Variants in SLC26A7 observed in about 807,000 individuals in gnomAD.
SLC26A7 encodes the protein anion exchange transporter.
A neutral mutation model predicts 82.5 loss-of-function variants in SLC26A7; 59 were observed. The observed-to-expected ratio is 0.72, with a 90% CI of 0.58 to 0.89. The LOEUF is 0.89. SLC26A7 is among the 40% of genes least tolerant of loss of function. SLC26A7 has a pLI of 0.00. For missense variants in SLC26A7, 820 were observed against 793.0 expected, an observed-to-expected ratio of 1.03 and a Z score of -0.41; for synonymous variants, 271 against 274.3, an observed-to-expected ratio of 0.99 and a Z score of 0.12.
chr8:91,301,154 G>A (rs13263714), intron 4 of SLC26A7, among the ~76,000 whole-genome samples: 8,307 of 152,066 alleles, frequency 0.055, 269 homozygotes, highest in African/African-American at 0.068. Flanking sequence ...TTCTTCTTTA[G>A]TATTTTGCAT....
intron 15 of SLC26A7, among the ~76,000 whole-genome samples, chr8:91,383,559 C>A (rs896202720): frequency 1.3e-5 from 2 of 152,134 alleles, no homozygotes; most frequent in African/African-American, 4.8e-5. Context: ...ATAGAATAAT[C>A]AAAATATATG....
intron 1 of SLC26A7, among the ~76,000 whole-genome samples, chr8:91,210,333 C>T (rs192376767): frequency 4.9e-4 from 75 of 152,210 alleles, no homozygotes; most frequent in Admixed American, 3.2e-3. Context: ...CTAGAACATG[C>T]ACAATTTCAT....
intron 8 of SLC26A7, among the ~76,000 whole-genome samples, chr8:91,341,229 T>C (rs924770839): frequency 6.6e-6 from 1 of 151,394 alleles, no homozygotes; most frequent in African/African-American, 2.4e-5. Flanking sequence ...TGAGTGAGAA[T>C]ATGCGGTGTT....
intron 1 of SLC26A7, among the ~76,000 whole-genome samples, chr8:91,217,167 T>C (rs1340740875): frequency 6.6e-6 from 1 of 152,148 alleles, no homozygotes; most frequent in African/African-American, 2.4e-5. Context: ...AGGCAGGGAT[T>C]GTTTGCTGTA....
intron 2 of SLC26A7, among the ~76,000 whole-genome samples, chr8:91,258,825 G>A (rs539659633): frequency 6.6e-6 from 1 of 152,198 alleles, no homozygotes; most frequent in East Asian, 1.9e-4. Flanking sequence ...TACCCTGCTA[G>A]TTAGGATGTC....
intron 4 of SLC26A7, among the ~76,000 whole-genome samples, chr8:91,309,834 G>T (rs1359981929): frequency 6.6e-6 from 1 of 151,992 alleles, no homozygotes; most frequent in African/African-American, 2.4e-5. Flanking sequence ...CTGCATGTAC[G>T]GTGGCTTGCT....
rs1808583310 is a variant in SLC26A7 at position 91,396,739 on chromosome 8, G to A, written c.*1642G>A. On this transcript the variant is annotated 3_prime_UTR_variant, in exon 19 of 19. Coordinates refer to ENST00000276609, the MANE Select transcript of SLC26A7 (RefSeq NM_052832.4). ...CCATCAAACACTCTTCCAAGGAAAA[G>A]CAGAAGTAATAATTGGAGGTAAAGT... is the stretch of plus-strand genomic sequence containing the variant. The A allele has an allele frequency of 6.6e-6, 1 of 151,984 alleles. No individual in the cohort carries two copies. The highest frequency in any genetic ancestry group is 2.4e-5 in the African/African-American group (1 of 41,404). 9.4% of individuals were successfully genotyped at this position (151,984 alleles called of 1,614,324 possible). A position where few individuals can be genotyped will look rare whatever the true frequency, so the allele number is the denominator to read the frequency against.
chr8:91,349,085 G>C (rs1813644486), intron 9 of SLC26A7, among the ~76,000 whole-genome samples: 1 of 152,118 alleles, frequency 6.6e-6, no homozygotes, highest in African/African-American at 2.4e-5. Flanking sequence ...AGTATTTTGA[G>C]AGCTTTGAGG....
chr8:91,219,527 C>T (rs1385900512), intron 2 of SLC26A7, among the ~76,000 whole-genome samples: 5 of 151,518 alleles, frequency 3.3e-5, no homozygotes, highest in African/African-American at 7.3e-5. Flanking sequence ...TTTTTTTTCT[C>T]GTTTTAAAAA....
chr8:91,299,909 A>G (rs1226064759), intron 4 of SLC26A7, among the ~76,000 whole-genome samples: 4 of 152,232 alleles, frequency 2.6e-5, no homozygotes, highest in Admixed American at 2.6e-4. Flanking sequence ...AATTAAAGAG[A>G]TAGACATACT....
chr8:91,355,492 A>G (rs1368722733), intron 11 of SLC26A7, among the ~76,000 whole-genome samples: 2 of 152,052 alleles, frequency 1.3e-5, no homozygotes, highest in Non-Finnish European at 2.9e-5. Context: ...GACTAGACAC[A>G]TATCTCTGAT....
chr8:91,219,026 C>T (rs1025752371), intron 2 of SLC26A7: 9 of 1,308,828 alleles, frequency 6.9e-6, no homozygotes, highest in Non-Finnish European at 9.7e-6. Context: ...CATTCATAGC[C>T]TCACTCCACT....
intron 2 of SLC26A7, among the ~76,000 whole-genome samples, chr8:91,235,752 C>A (rs1810385701): frequency 6.6e-6 from 1 of 152,168 alleles, no homozygotes; most frequent in South Asian, 2.1e-4. Context: ...AACTCTTGAG[C>A]CATATCTGAG....
chr8:91,248,734 T>C (rs1211866583), upstream of SLC26A7, among the ~76,000 whole-genome samples: 3 of 152,148 alleles, frequency 2.0e-5, no homozygotes, highest in Non-Finnish European at 4.4e-5. Flanking sequence ...GTTTGAACCA[T>C]ATAACATTCC....
intron 11 of SLC26A7, among the ~76,000 whole-genome samples, chr8:91,361,376 T>G (rs2130868715): frequency 6.6e-6 from 1 of 152,272 alleles, no homozygotes; most frequent in East Asian, 1.9e-4. Flanking sequence ...CATTTCTAAC[T>G]TTGTCATTTG....
At chr8:91,384,699 A>T (rs1020517280) in intron 15 of SLC26A7, among the ~76,000 whole-genome samples, 1 of 151,888 alleles carries the variant, frequency 6.6e-6, no homozygotes, top group Non-Finnish European at 1.5e-5. Context: ...TCATCATTGT[A>T]CTTAGATTTT....
rs141931769 is a variant in SLC26A7, at chr8:91,366,652, A to G, written c.1561A>G (p.Thr521Ala). 1.3e-3 allele frequency: 2,104 copies of G among 1,613,718 alleles called. 6 individuals carry two copies. Among genetic ancestry groups the G allele is most frequent in the Admixed American group, 2.1e-3 (126 of 59,936 alleles). Reference protein sequence around the residue: ...LVFLNAKKFYTDLMNMIQKEN... With the variant: ...LVFLNAKKFYADLMNMIQKEN... ...TTTCCTGAATGCAAAAAAATTTTAT[A>G]CTGATTTAATGAACATGATCCAAAA... is the stretch of plus-strand genomic sequence containing the variant. The change falls in exon 14 of 19, where the codon ACT (threonine) becomes GCT (alanine). Residue 521 changes from threonine to alanine, a missense_variant. By Grantham distance (58) the Thr-to-Ala change is moderately conservative. Transcript: ENST00000276609.
intron 2 of SLC26A7, among the ~76,000 whole-genome samples, chr8:91,285,882 A>C (rs988812966): frequency 6.6e-6 from 1 of 152,188 alleles, no homozygotes. Flanking sequence ...TGTAGCACCA[A>C]TTTCTAATTC....
intron 2 of SLC26A7, among the ~76,000 whole-genome samples, chr8:91,243,043 G>A (rs2130687559): frequency 6.6e-6 from 1 of 152,204 alleles, no homozygotes; most frequent in African/African-American, 2.4e-5. Flanking sequence ...AACAGCGGTG[G>A]ATTTGCAAAA....
Sources: gnomAD v4.1 joint callset for allele counts (sites outside exome capture counted in the v4.1 genomes callset) on GRCh38, gnomAD v4.1.1 for gene constraint, MANE v1.5 for transcripts, NCBI Gene and HGNC (gene_info 2026-07-23, HGNC 2026-07-21) for gene names.